PLA2G2A: variants seen among roughly 807,000 people sequenced by gnomAD.
PLA2G2A encodes phospholipase A2 group IIA.
In PLA2G2A, 6 loss-of-function variants were observed where a neutral mutation model predicts 11.2. The observed-to-expected ratio is 0.54, with a 90% CI of 0.29 to 1.06. The LOEUF (loss-of-function observed/expected upper bound fraction) is 1.06. PLA2G2A is among the 50% of genes least tolerant of loss of function. The probability of loss-of-function intolerance (pLI) is 0.08; values close to 1 mark genes in which losing one functional copy is unlikely to be tolerated. For missense variants in PLA2G2A, 133 were observed against 177.1 expected (o/e 0.75, Z 1.41); for synonymous variants, 69 against 65.8 (o/e 1.05, Z -0.23).
Position 19,978,132 on chromosome 1 carries a change from A to T in PLA2G2A, c.186-11T>A. ...TGAGTGACACAGCAGCTGTGAGGAG[A>T]CACCCTGTTGGGGCTCTTGTCCCAC... On this transcript the variant is annotated splice_polypyrimidine_tract_variant and intron_variant, in intron 3 of 4. Transcript: ENST00000482011. 6.3e-7 allele frequency: 1 copy of T among 1,594,120 alleles called. No homozygotes were observed. The highest frequency in any genetic ancestry group is 8.6e-7 in the Non-Finnish European group (1 of 1,161,744).
intron 4 of PLA2G2A, 128 bp from the exon 5 acceptor site, chr1:19,975,971 C>T (rs1557701914): frequency 1.3e-6 from 1 of 785,444 alleles, no homozygotes; most frequent in East Asian, 2.7e-5. Context: ...AACACCTGCG[C>T]TCCAGATATT....
downstream of PLA2G2A, chr1:19,975,642 G>A: frequency 6.6e-7 from 1 of 1,513,170 alleles, no homozygotes; most frequent in Non-Finnish European, 9.2e-7. Flanking sequence ...GGGTAGGGAG[G>A]GAGGGTATGA....
At chr1:19,978,282 G>A in intron 3 of PLA2G2A, 98 bp downstream of exon 3, 1 of 1,482,136 alleles carries the variant, frequency 6.7e-7, no homozygotes, top group East Asian at 2.3e-5. Flanking sequence ...AGGCCATCCT[G>A]AGACCTCTGC....
At chr1:19,976,142 G>A (rs957183307) in intron 4 of PLA2G2A, among the ~76,000 whole-genome samples, 2 of 152,184 alleles carry the variant, frequency 1.3e-5, no homozygotes, top group Non-Finnish European at 2.9e-5. Flanking sequence ...CCCTAGCCTC[G>A]GGGGTCTGGG....
intron 4 of PLA2G2A, 101 bp from the exon 5 acceptor site, chr1:19,975,944 G>T: frequency 1.0e-6 from 1 of 992,764 alleles, no homozygotes. Flanking sequence ...TCCTCCAGAA[G>T]CTCCTAGTTG....
intron 2 of PLA2G2A, 27 bp downstream of exon 2, chr1:19,978,707 T>C: frequency 1.2e-6 from 2 of 1,613,410 alleles, no homozygotes; most frequent in African/African-American, 1.3e-5. Context: ...TGTCCCCCCA[T>C]GCTCAGAGGT....
chr1:19,977,213 C>A (rs1243361740), intron 4 of PLA2G2A, among the ~76,000 whole-genome samples: 1 of 152,148 alleles, frequency 6.6e-6, no homozygotes, highest in African/African-American at 2.4e-5. Context: ...AGAACTGCTC[C>A]TCCCCACCCT....
At chr1:19,979,515 C>T (rs2046273135) in intron 1 of PLA2G2A, 65 bp downstream of exon 1, 1 of 152,958 alleles carries the variant, frequency 6.5e-6, no homozygotes, top group South Asian at 2.1e-4. Flanking sequence ...CACAGCCACT[C>T]TCAAAGGCAG....
At chr1:19,978,634 C>T in intron 2 of PLA2G2A, 100 bp downstream of exon 2, 3 of 1,597,112 alleles carry the variant, frequency 1.9e-6, no homozygotes, top group South Asian at 2.2e-5. Context: ...TTTTTTCCCC[C>T]TGAGAGAGGA....
downstream of PLA2G2A, chr1:19,975,542 A>T: frequency 1.4e-6 from 1 of 695,150 alleles, no homozygotes; most frequent in South Asian, 1.7e-5. Flanking sequence ...AATCTGCTGG[A>T]TGTCTCATTC....
upstream of PLA2G2A, chr1:19,980,369 G>A (rs1282489177): frequency 6.6e-6 from 1 of 152,414 alleles, no homozygotes; most frequent in Non-Finnish European, 1.5e-5. Context: ...CACCTGTTTG[G>A]AGACAGGGCA....
At chr1:19,978,619 GCTT>G (rs2046258956) in intron 2 of PLA2G2A, 95 bp from the exon 3 acceptor site, 3 of 1,597,952 alleles carry the variant, frequency 1.9e-6, no homozygotes, top group Non-Finnish European at 2.6e-6. Flanking sequence ...CTCCCAAATG[GCTT>G]CTTTTTTCCC....
intron 4 of PLA2G2A, among the ~76,000 whole-genome samples, chr1:19,977,124 G>A (rs1471075166): frequency 6.6e-6 from 1 of 152,118 alleles, no homozygotes; most frequent in African/African-American, 2.4e-5. Flanking sequence ...ATTCTCCCCT[G>A]AGCTGCATTT....
intron 1 of PLA2G2A, 26 bp from the exon 2 acceptor site, chr1:19,978,905 A>T: frequency 1.1e-5 from 9 of 813,060 alleles, no homozygotes; most frequent in Non-Finnish European, 1.9e-5. Flanking sequence ...ATGCTCTCCC[A>T]TCCAACCTAA....
At chr1:19,978,851 C>T (rs934764450) in exon 2 of PLA2G2A, 93 of 1,353,566 alleles carry the variant, frequency 6.9e-5, no homozygotes, top group Admixed American at 5.8e-4. Context: ...CTGCCCCGGC[C>T]GTCGCTCCCC....
intron 4 of PLA2G2A, among the ~76,000 whole-genome samples, chr1:19,977,164 C>A (rs978054749): frequency 6.6e-6 from 1 of 152,168 alleles, no homozygotes; most frequent in Non-Finnish European, 1.5e-5. Flanking sequence ...GGACCCCTCC[C>A]TGGGTGCTGG....
chr1:19,979,001 A>ACACACAC (rs1491418624), intron 1 of PLA2G2A, 122 bp from the exon 2 acceptor site: 216 of 525,340 alleles, frequency 4.1e-4, no homozygotes, highest in Non-Finnish European at 4.1e-4. Context: ...ACACACACAC[A>ACACACAC]ACCACCTCCT....
intron 2 of PLA2G2A, 84 bp downstream of exon 2, chr1:19,978,650 G>A: frequency 6.3e-7 from 1 of 1,593,040 alleles, no homozygotes; most frequent in South Asian, 1.1e-5. Flanking sequence ...GAGGATCACT[G>A]CAATGGGAGA....
intron 3 of PLA2G2A, 76 bp from the exon 4 acceptor site, chr1:19,978,197 G>A (rs1270929719): frequency 2.2e-6 from 3 of 1,359,902 alleles, no homozygotes; most frequent in Non-Finnish European, 3.2e-6. Flanking sequence ...CACCCCCTTG[G>A]ACCCTGGGCA....
Sources: gnomAD v4.1 joint callset for allele counts (sites outside exome capture counted in the v4.1 genomes callset) on GRCh38, gnomAD v4.1.1 for gene constraint, MANE v1.5 for transcripts, NCBI Gene and HGNC (gene_info 2026-07-23, HGNC 2026-07-21) for gene names.